BRSK2: variants seen among roughly 807,000 people sequenced by gnomAD.
The protein encoded by BRSK2 is serine/threonine-protein kinase BRSK2.
A neutral mutation model predicts 83.3 loss-of-function variants in BRSK2; 19 were observed. The ratio of observed to expected loss-of-function variants is 0.23; its 90% CI spans 0.16 to 0.33. The LOEUF (loss-of-function observed/expected upper bound fraction) is 0.33. Ranked by LOEUF, BRSK2 falls within the 10% of genes least tolerant of loss-of-function variation. BRSK2 has a pLI of 1.00. For synonymous variants in BRSK2, 519 were observed against 435.4 expected, an observed-to-expected ratio of 1.19 and a Z score of -2.39; for missense variants, 798 against 1,042.3, an observed-to-expected ratio of 0.77 and a Z score of 3.23.
rs117247713 is a variant in BRSK2 at position 1,438,813 on chromosome 11, C to A, written c.272+422C>A. Among the ~76,000 whole-genome samples, 1 of 152,312 alleles carries A rather than the reference C, an allele frequency of 6.6e-6. No individual in the cohort carries two copies. The highest frequency in any genetic ancestry group is 2.1e-4 in the South Asian group (1 of 4,832). Reference sequence around the variant, plus strand: ...CCCTGAGGCTCCCTCACACGAGGCACAGCCACCAGGATCCCGCCCTGGCTG... The same window carrying A: ...CCCTGAGGCTCCCTCACACGAGGCAAAGCCACCAGGATCCCGCCCTGGCTG... On this transcript the variant is annotated intron_variant, in intron 3 of 19. Coordinates refer to ENST00000528841, the MANE Select transcript of BRSK2 (RefSeq NM_001256627.2). This position sits in a 1 kb window ranked among gnomAD's most constrained non-coding sequence, Gnocchi z 6.4.
intron 1 of BRSK2, among the ~76,000 whole-genome samples, chr11:1,429,238 G>A (rs567787370): frequency 1.8e-5 from 2 of 108,564 alleles, no homozygotes; most frequent in East Asian, 4.2e-4. Flanking sequence ...GCCCATGGGT[G>A]TGTCCTGGAT....
chr11:1,458,396 C>T (rs1381366801), intron 18 of BRSK2, among the ~76,000 whole-genome samples: 1 of 152,142 alleles, frequency 6.6e-6, no homozygotes, highest in Non-Finnish European at 1.5e-5. Flanking sequence ...ATCTATCTCC[C>T]TGTGGACTTG....
At position 1,460,461 on chromosome 11, in the gene BRSK2, C is replaced by CTTT. The variant is rs398015179; in HGVS notation, c.1988-24_1988-22dup. The stretch of plus-strand genomic sequence containing the variant: ...CTCTCCCCCTTTTTTTTCTTTTTTC[C>CTTT]TTTTTTTTTTTTTTTTTGTCTCTGT... On this transcript the variant is annotated intron_variant, in intron 19 of 19. Transcript: ENST00000528841. 5.7e-5 allele frequency: 31 copies of CTTT among 544,418 alleles called. 2 individuals are homozygous for CTTT. The highest frequency in any genetic ancestry group is 1.5e-4 in the East Asian group (2 of 13,340). 33.7% of individuals were successfully genotyped at this position (544,418 alleles called of 1,614,324 possible). A position where few individuals can be genotyped will look rare whatever the true frequency, so the allele number is the denominator to read the frequency against.
chr11:1,396,145 G>A (rs1422263188), intron 1 of BRSK2, among the ~76,000 whole-genome samples: 2 of 151,888 alleles, frequency 1.3e-5, no homozygotes, highest in East Asian at 1.9e-4. Flanking sequence ...TTGTCGCTGT[G>A]CCAGGTGTGT....
At chr11:1,437,575 G>T (rs369897439) in intron 2 of BRSK2, among the ~76,000 whole-genome samples, 62 of 152,316 alleles carry the variant, frequency 4.1e-4, no homozygotes, top group African/African-American at 1.4e-3. Flanking sequence ...TTGGGGGACA[G>T]TACCAGCTGG....
intron 16 of BRSK2, among the ~76,000 whole-genome samples, chr11:1,455,489 G>T (rs867940456): frequency 6.6e-6 from 1 of 152,032 alleles, no homozygotes; most frequent in East Asian, 1.9e-4. Context: ...CTGCCCCCGG[G>T]CACTCAGGCC....
At chr11:1,397,529 G>C (rs942397867) in intron 1 of BRSK2, among the ~76,000 whole-genome samples, 4 of 152,210 alleles carry the variant, frequency 2.6e-5, no homozygotes, top group Non-Finnish European at 5.9e-5. Context: ...TCAGTCCCGG[G>C]GCCCACGGAG....
At position 1,452,191 on chromosome 11, in the gene BRSK2, C is replaced by T. The variant is rs138421823; in HGVS notation, c.1544+772C>T. Reference sequence around the variant, plus strand: ...ACTGAGTAAGACGAGAACCTTCGTCCTGCTGCTGGCTTTAAACCAGGGGCC... The same window carrying T: ...ACTGAGTAAGACGAGAACCTTCGTCTTGCTGCTGGCTTTAAACCAGGGGCC... On this transcript the variant is annotated intron_variant, in intron 15 of 19. Coordinates refer to ENST00000528841, the MANE Select transcript of BRSK2 (RefSeq NM_001256627.2). Among the ~76,000 whole-genome samples, 168 of 152,330 alleles carry T rather than the reference C, an allele frequency of 1.1e-3. 2 individuals carry two copies. Among genetic ancestry groups the T allele is most frequent in the African/African-American group, 4.0e-3 (165 of 41,562 alleles).
At chr11:1,447,679 T>A (rs1219489126) in intron 12 of BRSK2, 2 of 886,428 alleles carry the variant, frequency 2.3e-6, no homozygotes, top group Non-Finnish European at 3.6e-6. Context: ...TCGCCATCTT[T>A]GTGCAGCGGC....
intron 1 of BRSK2, chr11:1,410,837 A>C: frequency 1.0e-6 from 1 of 985,450 alleles, no homozygotes; most frequent in Non-Finnish European, 1.2e-6. Flanking sequence ...CACCGAGACC[A>C]CTGTGGCCTG....
intron 1 of BRSK2, among the ~76,000 whole-genome samples, chr11:1,400,192 G>A (rs1371599333): frequency 6.6e-6 from 1 of 152,228 alleles, no homozygotes; most frequent in Non-Finnish European, 1.5e-5. Flanking sequence ...CCTGCAGGAG[G>A]GAGTGGGCAG....
At chr11:1,416,260 G>A (rs1564812575) in intron 1 of BRSK2, among the ~76,000 whole-genome samples, 1 of 152,232 alleles carries the variant, frequency 6.6e-6, no homozygotes, top group South Asian at 2.1e-4. Flanking sequence ...GGGGGGTCTC[G>A]TGGGCACAGA....
rs1014324449 is a variant in BRSK2, at chr11:1,460,767, C to T, written c.*44C>T. On this transcript the variant is annotated 3_prime_UTR_variant, in exon 20 of 20. Transcript: ENST00000528841. ...CCAGCACAGCACTGACAGCGGCTGCCTCGCCGCCCGCCGCCCGCCCTGCCC... is the reference window on the plus strand; with the variant it reads ...CCAGCACAGCACTGACAGCGGCTGCTTCGCCGCCCGCCGCCCGCCCTGCCC... 24 of 1,388,766 alleles carry T rather than the reference C, an allele frequency of 1.7e-5. No individual in the cohort carries two copies. Among genetic ancestry groups the T allele is most frequent in the Non-Finnish European group, 2.1e-5 (23 of 1,070,790 alleles). 86.0% of individuals were successfully genotyped at this position (1,388,766 alleles called of 1,614,324 possible).
At chr11:1,453,287 G>A (rs970318306) in intron 15 of BRSK2, among the ~76,000 whole-genome samples, 3 of 152,250 alleles carry the variant, frequency 2.0e-5, no homozygotes, top group South Asian at 2.1e-4. Context: ...TCCCTGGGCC[G>A]TCAGGCATCT....
intron 15 of BRSK2, among the ~76,000 whole-genome samples, chr11:1,452,219 T>G (rs1227344134): frequency 2.6e-5 from 4 of 152,164 alleles, no homozygotes; most frequent in Admixed American, 1.3e-4. Flanking sequence ...CAGGGGCCCC[T>G]GTGGAAACTG....
intron 1 of BRSK2, among the ~76,000 whole-genome samples, chr11:1,413,222 G>C (rs1048303283): frequency 3.3e-5 from 5 of 152,192 alleles, no homozygotes; most frequent in Admixed American, 6.5e-5. Context: ...GACGGCCCCT[G>C]GGGACGGCCC....
intron 1 of BRSK2, among the ~76,000 whole-genome samples, chr11:1,395,994 A>C (rs1265700585): frequency 6.6e-6 from 1 of 152,186 alleles, no homozygotes; most frequent in Non-Finnish European, 1.5e-5. Context: ...AATCTCACGC[A>C]GGCCCAGCTG....
Position 1,462,455 on chromosome 11 carries a change from A to G in BRSK2, c.*1732A>G, listed in dbSNP as rs1847607474. 1 of 152,286 alleles carries G rather than the reference A, an allele frequency of 6.6e-6. No homozygotes were observed. Among genetic ancestry groups the G allele is most frequent in the Admixed American group, 6.5e-5 (1 of 15,284 alleles). 9.4% of individuals were successfully genotyped at this position (152,286 alleles called of 1,614,324 possible). On this transcript the variant is annotated 3_prime_UTR_variant, in exon 20 of 20. Coordinates refer to ENST00000528841, the MANE Select transcript of BRSK2 (RefSeq NM_001256627.2). Reference sequence around the variant, plus strand: ...CCACAGGCTGGGATTTCTATACATAAGAACAAAAGCAAACACCTAGGACAG... The same window carrying G: ...CCACAGGCTGGGATTTCTATACATAGGAACAAAAGCAAACACCTAGGACAG...
Position 1,443,155 on chromosome 11 carries a change from C to G in BRSK2, c.564+16C>G. 1 of 1,537,464 alleles carries G rather than the reference C, an allele frequency of 6.5e-7. No individual in the cohort carries two copies. The highest frequency in any genetic ancestry group is 2.4e-5 in the East Asian group (1 of 40,856). ...GGTGATCCGGGTGAGTCAGCGCCGC[C>G]GCGTGCAGCTCTGTGGGGCCCAGGG... On this transcript the variant is annotated intron_variant, in intron 6 of 19. Coordinates refer to ENST00000528841, the MANE Select transcript of BRSK2 (RefSeq NM_001256627.2).
Sources: gnomAD v4.1 joint callset for allele counts (sites outside exome capture counted in the v4.1 genomes callset) on GRCh38, gnomAD v4.1.1 for gene constraint, Gnocchi (gnomAD v3.1) non-coding constraint, MANE v1.5 for transcripts, NCBI Gene and HGNC (gene_info 2026-07-23, HGNC 2026-07-21) for gene names.